HEATR5B: variants seen among roughly 807,000 people sequenced by gnomAD.
HEATR5B encodes the protein HEAT repeat containing 5B.
Under a neutral mutation model 224.1 loss-of-function variants are expected in HEATR5B, and 156 were observed. That is an observed-to-expected ratio of 0.70 (90% CI 0.61 to 0.80). The LOEUF (loss-of-function observed/expected upper bound fraction) is 0.80, where lower values mean the gene tolerates loss of function less well. Ranked by LOEUF, HEATR5B falls within the 30% of genes least tolerant of loss-of-function variation. The pLI is 0.00. For missense variants in HEATR5B, 2,323 were observed against 2,535.5 expected (o/e 0.92, Z 1.80); for synonymous variants, 1,027 against 893.0 (o/e 1.15, Z -2.68).
Position 37,035,910 on chromosome 2 carries a change from T to C in HEATR5B, c.3216+1945A>G, listed in dbSNP as rs529880485. Among the ~76,000 whole-genome samples, 3 of 152,290 alleles carry C rather than the reference T, an allele frequency of 2.0e-5. No homozygotes were observed. In the South Asian group the frequency reaches 6.2e-4, roughly 32 times the overall value. ...TCTTCCCAACCCTCCTCCTCCGATG[T>C]TGCCAATCTCAGGGAATTACATTAC... On this transcript the variant is annotated intron_variant, in intron 21 of 35. Transcript: ENST00000233099.
chr2:36,985,141 A>G (rs899399827), intron 35 of HEATR5B, among the ~76,000 whole-genome samples: 26 of 152,204 alleles, frequency 1.7e-4, no homozygotes, highest in Non-Finnish European at 3.1e-4. Context: ...AAAGCTGAAA[A>G]TTTACCCTCT....
At chr2:37,016,736 T>A (rs751245960) in intron 26 of HEATR5B, among the ~76,000 whole-genome samples, 1 of 152,230 alleles carries the variant, frequency 6.6e-6, no homozygotes, top group African/African-American at 2.4e-5. Flanking sequence ...TCATGGCTAA[T>A]GGACTTGAGT....
chr2:37,055,082 CT>C (rs34570426), intron 16 of HEATR5B: 10,804 of 411,250 alleles, frequency 0.026, 1,039 homozygotes, highest in African/African-American at 0.21. Flanking sequence ...AAGTAAGTAC[CT>C]TTTGTGCACT....
In HEATR5B at chr2:37,027,969, G is replaced by A. The variant is rs1423939121; in HGVS notation, c.3807C>T (p.His1269=). ...CAGAACGTGCCAAGGCAAGATCAAA[G>A]TGAGCCTGGTCTGCATTCTCACACA... ...INLCENADQA[H]FDLALARSAK... is the part of the protein sequence containing the mutation. Residue 1269 remains histidine, a synonymous_variant, in exon 24 of 36, where the codon CAC becomes CAT. Transcript: ENST00000233099. 1 of 1,614,070 alleles carries A rather than the reference G, an allele frequency of 6.2e-7. No homozygotes were observed. The highest frequency in any genetic ancestry group is 8.5e-7 in the Non-Finnish European group (1 of 1,180,038).
At chr2:37,013,476 G>A (rs929174284) in intron 27 of HEATR5B, among the ~76,000 whole-genome samples, 1 of 152,188 alleles carries the variant, frequency 6.6e-6, no homozygotes, top group African/African-American at 2.4e-5. Context: ...TTTGGGCCCA[G>A]AAGTTCAAGT....
chr2:37,039,539 T>C (rs764271291), intron 20 of HEATR5B, among the ~76,000 whole-genome samples: 1 of 152,216 alleles, frequency 6.6e-6, no homozygotes, highest in Non-Finnish European at 1.5e-5. Context: ...CAAAACCTTG[T>C]AAAAGTTCTT....
At chr2:37,027,417 AT>A (rs1291678815) in intron 24 of HEATR5B, among the ~76,000 whole-genome samples, 1 of 152,230 alleles carries the variant, frequency 6.6e-6, no homozygotes, top group Non-Finnish European at 1.5e-5. Context: ...AAGATAAAAA[AT>A]AATAAGATAA....
rs1397459598 is a variant in HEATR5B at position 37,073,972 on chromosome 2, A to C, written c.597+1513T>G. On this transcript the variant is annotated intron_variant, in intron 5 of 35. Coordinates refer to ENST00000233099, the MANE Select transcript of HEATR5B (RefSeq NM_019024.3). ...ATACCTACACATATACACACAACTGATTTTCAACAAAGGGTGTAAACGGAG... is the reference window on the plus strand; with the variant it reads ...ATACCTACACATATACACACAACTGCTTTTCAACAAAGGGTGTAAACGGAG... 2.0e-5 allele frequency among the ~76,000 whole-genome samples: 3 copies of C among 152,174 alleles called. No homozygotes were observed. In the East Asian group the frequency reaches 5.8e-4, roughly 29 times the overall value.
chr2:37,073,003 C>T (rs1671998772), intron 5 of HEATR5B, among the ~76,000 whole-genome samples: 1 of 152,178 alleles, frequency 6.6e-6, no homozygotes, highest in African/African-American at 2.4e-5. Flanking sequence ...GAGATGCCTA[C>T]ACCAGTGAAT....
At chr2:37,019,784 T>C (rs763012830) in intron 26 of HEATR5B, 25 bp downstream of exon 26, 7 of 1,498,788 alleles carry the variant, frequency 4.7e-6, no homozygotes, top group South Asian at 4.5e-5. Context: ...AAGACAACTA[T>C]ACAAAGTCCC....
chr2:37,053,695 G>C (rs1435412070), intron 16 of HEATR5B, 88 bp from the exon 17 acceptor site: 2 of 661,318 alleles, frequency 3.0e-6, no homozygotes, highest in African/African-American at 3.7e-5. Context: ...CAAGTTAATT[G>C]TTTAGCAAAT....
At chr2:37,011,618 G>T (rs1667794244) in intron 27 of HEATR5B, among the ~76,000 whole-genome samples, 1 of 152,042 alleles carries the variant, frequency 6.6e-6, no homozygotes, top group Non-Finnish European at 1.5e-5. Context: ...ATGTCATAGG[G>T]TTTTCCCATG....
In HEATR5B at chr2:37,053,600, T is replaced by A. The variant is rs1383833864; in HGVS notation, c.2407A>T (p.Met803Leu). Residue 803 changes from methionine to leucine, a missense_variant, in exon 17 of 36, where the codon ATG (methionine) becomes TTG (leucine). This residue lies in a region of HEATR5B where 170 missense variants were observed against 216.7 expected (regional missense o/e 0.78). Coordinates refer to ENST00000233099, the MANE Select transcript of HEATR5B (RefSeq NM_019024.3). ...ACACATTCAGCAAAGTGATCCAACATTTGTAATCTATAACAATAAGAAAAA... is the reference window on the plus strand; with the variant it reads ...ACACATTCAGCAAAGTGATCCAACAATTGTAATCTATAACAATAAGAAAAA... Reference protein sequence around the residue: ...PHVSYKHRLQMLDHFAECVKQ... With the variant: ...PHVSYKHRLQLLDHFAECVKQ... The A allele has an allele frequency of 6.3e-7, 1 of 1,595,834 alleles. No individual in the cohort carries two copies. The highest frequency in any genetic ancestry group is 1.7e-5 in the Admixed American group (1 of 58,828).
intron 25 of HEATR5B, 125 bp from the exon 26 acceptor site, chr2:37,020,002 C>A (rs1448730630): frequency 1.7e-6 from 1 of 606,046 alleles, no homozygotes; most frequent in African/African-American, 1.9e-5. Flanking sequence ...CTCGTAGGCT[C>A]AAGCGATTCT....
chr2:37,043,014 G>C (rs1293292059), intron 18 of HEATR5B, among the ~76,000 whole-genome samples: 1 of 151,890 alleles, frequency 6.6e-6, no homozygotes, highest in Non-Finnish European at 1.5e-5. Context: ...GAAGAGTATT[G>C]ATGATTAACA....
chr2:37,031,733 G>A (rs1408658110), intron 22 of HEATR5B, among the ~76,000 whole-genome samples: 1 of 152,010 alleles, frequency 6.6e-6, no homozygotes, highest in Non-Finnish European at 1.5e-5. Flanking sequence ...TACAATTGAA[G>A]TTATTCTTGT....
At chr2:37,056,418 AC>A (rs753717768) in intron 16 of HEATR5B, 21 bp downstream of exon 16, 1 of 1,533,850 alleles carries the variant, frequency 6.5e-7, no homozygotes, top group Non-Finnish European at 8.8e-7. Context: ...AACAAAAATT[AC>A]CTGATTGACT....
At chr2:37,055,136 GA>G in intron 16 of HEATR5B, 1 of 391,146 alleles carries the variant, frequency 2.6e-6, no homozygotes. Context: ...CCTGCTGGTT[GA>G]AAACCAAAGT....
Position 37,084,303 on chromosome 2 carries a change from G to C in HEATR5B, c.-57C>G, listed in dbSNP as rs1672837775. The C allele has an allele frequency of 2.5e-6, 1 of 397,042 alleles. No homozygotes were observed. The highest frequency in any genetic ancestry group is 4.4e-6 in the Non-Finnish European group (1 of 225,920). The allele number at this position is 397,042 out of a possible 1,614,324, so 24.6% of individuals were successfully genotyped here. ...TGGAAGGGAAGATCAGCTGAGCTCC[G>C]GGGGTAGAAGCAGCCACCAAGAGAC... On this transcript the variant is annotated 5_prime_UTR_variant, in exon 1 of 36. Coordinates refer to ENST00000233099, the MANE Select transcript of HEATR5B (RefSeq NM_019024.3).
Sources: allele counts gnomAD v4.1 joint callset (sites outside exome capture counted in the v4.1 genomes callset), GRCh38; gene constraint gnomAD v4.1.1; regional missense constraint gnomAD v4.1.1; transcripts MANE v1.5; gene names NCBI Gene and HGNC (gene_info 2026-07-23, HGNC 2026-07-21).